The following ZFP3 variants were observed in gnomAD, a reference collection of about 807,000 sequenced individuals.
ZFP3 encodes zinc finger protein 3 homolog.
A neutral mutation model predicts 36.7 loss-of-function variants in ZFP3; 18 were observed. The observed-to-expected ratio is 0.49, with a 90% confidence interval of 0.34 to 0.73. ZFP3 has a LOEUF of 0.73. ZFP3 is among the 30% of genes least tolerant of loss of function. The pLI, the probability that ZFP3 is intolerant of heterozygous loss-of-function variation, is 0.01. For missense variants in ZFP3, 495 were observed against 599.0 expected, an observed-to-expected ratio of 0.83 and a Z score of 1.81; for synonymous variants, 218 against 199.0, an observed-to-expected ratio of 1.10 and a Z score of -0.81.
intron 1 of ZFP3, among the ~76,000 whole-genome samples, chr17:5,083,638 G>A (rs374386775): frequency 6.6e-6 from 1 of 151,834 alleles, no homozygotes; most frequent in African/African-American, 2.4e-5. Flanking sequence ...TAGATCTCTT[G>A]GTCCCACTAG....
intron 1 of ZFP3, among the ~76,000 whole-genome samples, chr17:5,083,566 T>C (rs1437501628): frequency 1.3e-5 from 2 of 151,878 alleles, no homozygotes; most frequent in African/African-American, 2.4e-5. Context: ...AAAAAGACTT[T>C]GTAACAGTGG....
Position 5,094,932 on chromosome 17 carries a change from G to A in ZFP3, c.*1919G>A, listed in dbSNP as rs767960252. On this transcript the variant is annotated 3_prime_UTR_variant, in exon 2 of 2. Transcript: ENST00000318833. ...TACCCCAATTTAAAAGATAAGAAGG[G>A]GCAGTGTTAAGTAATTGACCCATGA... 7 of 167,020 alleles carry A rather than the reference G, an allele frequency of 4.2e-5. No homozygotes were observed. The highest frequency in any genetic ancestry group is 4.4e-5 in the Non-Finnish European group (3 of 68,102). The allele number at this position is 167,020 out of a possible 1,614,324, so 10.3% of individuals were successfully genotyped here.
intron 1 of ZFP3, among the ~76,000 whole-genome samples, chr17:5,086,914 G>C (rs2072124541): frequency 6.6e-6 from 1 of 151,230 alleles, no homozygotes; most frequent in South Asian, 2.1e-4. Flanking sequence ...ACTTTTAGTA[G>C]AGACGGAGTT....
rs746881368 is a variant in ZFP3 at position 5,092,447 on chromosome 17, G to A, written c.943G>A (p.Gly315Arg). 6 of 1,614,064 alleles carry A rather than the reference G, an allele frequency of 3.7e-6. No homozygotes were observed. The highest frequency in any genetic ancestry group is 5.1e-6 in the Non-Finnish European group (6 of 1,180,016). Reference sequence around the variant, plus strand: ...AAAACCATATCTGTGTAATGAATGTGGGAAGGGCTTCGGGCAGAGTTCTGA... The same window carrying A: ...AAAACCATATCTGTGTAATGAATGTAGGAAGGGCTTCGGGCAGAGTTCTGA... ...GEKPYLCNEC[G>R]KGFGQSSELI... is the part of the protein sequence containing the mutation. Residue 315 changes from glycine (G) to arginine (R), a missense_variant, in exon 2 of 2, where the codon GGG (glycine) becomes AGG (arginine). This residue lies in a region of ZFP3 where 103 missense variants were observed against 186.8 expected (regional missense o/e 0.55). Transcript: ENST00000318833. This position sits in a 1 kb window ranked among gnomAD's most constrained non-coding sequence, Gnocchi z 5.0.
chr17:5,081,514 G>T (rs902130626), intron 1 of ZFP3, among the ~76,000 whole-genome samples: 1 of 152,172 alleles, frequency 6.6e-6, no homozygotes, highest in African/African-American at 2.4e-5. Context: ...GCCTATGAGT[G>T]ATCTGCTTAA....
intron 1 of ZFP3, among the ~76,000 whole-genome samples, chr17:5,083,825 T>A (rs2072106164): frequency 6.6e-6 from 1 of 150,926 alleles, no homozygotes; most frequent in Non-Finnish European, 1.5e-5. Flanking sequence ...TTTTCAGGGT[T>A]TTATGTGGCT....
intron 1 of ZFP3, among the ~76,000 whole-genome samples, chr17:5,085,815 G>A (rs1280116038): frequency 6.6e-6 from 1 of 152,224 alleles, no homozygotes; most frequent in Non-Finnish European, 1.5e-5. Flanking sequence ...ATTTTGTAAA[G>A]AACTAGATGA....
At chr17:5,084,466 G>T (rs1453039721) in intron 1 of ZFP3, among the ~76,000 whole-genome samples, 1 of 123,214 alleles carries the variant, frequency 8.1e-6, no homozygotes, top group African/African-American at 3.2e-5. Flanking sequence ...TAGTAGAGAC[G>T]GGGTTTCACC....
At position 5,096,007 on chromosome 17, in the gene ZFP3, CA is replaced by C. The variant is rs1466382714; in HGVS notation, c.*2995del. 2 of 167,046 alleles carry C rather than the reference CA, an allele frequency of 1.2e-5. No homozygotes were observed. The highest frequency in any genetic ancestry group is 4.8e-5 in the African/African-American group (2 of 41,438). The allele number at this position is 167,046 out of a possible 1,614,324, so 10.3% of individuals were successfully genotyped here. Reference sequence around the variant, plus strand: ...GAAATCACTTGTATCTTATTAGGTACATATACGCAAATCCTTAACCTCAATT... The same window carrying C: ...GAAATCACTTGTATCTTATTAGGTACTATACGCAAATCCTTAACCTCAATT... On this transcript the variant is annotated 3_prime_UTR_variant, in exon 2 of 2. Transcript: ENST00000318833.
chr17:5,083,724 G>A (rs1453611057), intron 1 of ZFP3, among the ~76,000 whole-genome samples: 1 of 152,060 alleles, frequency 6.6e-6, no homozygotes, highest in East Asian at 1.9e-4. Flanking sequence ...GGATTCTCAC[G>A]CAGCTAGCCT....
intron 1 of ZFP3, among the ~76,000 whole-genome samples, chr17:5,081,625 G>T (rs994055307): frequency 1.3e-5 from 2 of 149,574 alleles, no homozygotes; most frequent in African/African-American, 4.9e-5. Flanking sequence ...TTTTTGAGAC[G>T]GAGTCTCGCT....
At chr17:5,087,342 T>C (rs907343357) in intron 1 of ZFP3, among the ~76,000 whole-genome samples, 1 of 152,158 alleles carries the variant, frequency 6.6e-6, no homozygotes. Flanking sequence ...CCTCCCAAAG[T>C]GCTGGCATTA....
In ZFP3 at chr17:5,094,832, T is replaced by G. The variant is rs1475363686; in HGVS notation, c.*1819T>G. 1 of 167,088 alleles carries G rather than the reference T, an allele frequency of 6.0e-6. No individual in the cohort carries two copies. Among genetic ancestry groups the G allele is most frequent in the Non-Finnish European group, 1.5e-5 (1 of 68,122 alleles). The allele number at this position is 167,088 out of a possible 1,614,324, so 10.4% of individuals were successfully genotyped here. ...AGGTATAATTTACGTACTATAAAATTCACCTGTTTTAAGTGTTCAGTTGAA... is the reference window on the plus strand; with the variant it reads ...AGGTATAATTTACGTACTATAAAATGCACCTGTTTTAAGTGTTCAGTTGAA... On this transcript the variant is annotated 3_prime_UTR_variant, in exon 2 of 2. Coordinates refer to ENST00000318833, the MANE Select transcript of ZFP3 (RefSeq NM_153018.3).
At chr17:5,083,186 C>T (rs17765422) in intron 1 of ZFP3, among the ~76,000 whole-genome samples, 25,080 of 152,098 alleles carry the variant, frequency 0.16, 2,274 homozygotes, top group Middle Eastern at 0.23. Context: ...CTGCTCGACA[C>T]CTGTGTTGAT....
chr17:5,084,808 T>C (rs944032227), intron 1 of ZFP3, among the ~76,000 whole-genome samples: 2 of 152,182 alleles, frequency 1.3e-5, no homozygotes, highest in African/African-American at 2.4e-5. Context: ...AACGGAAAGA[T>C]AGAAAATTGT....
intron 1 of ZFP3, among the ~76,000 whole-genome samples, chr17:5,088,549 C>T (rs928507577): frequency 2.7e-4 from 40 of 150,500 alleles, no homozygotes; most frequent in African/African-American, 8.8e-4. Flanking sequence ...CTCCTGATCT[C>T]GTGATCCTCC....
chr17:5,093,776 T>C lies in ZFP3; in HGVS notation c.*763T>C, dbSNP rs759381824. On this transcript the variant is annotated 3_prime_UTR_variant, in exon 2 of 2. Coordinates refer to ENST00000318833, the MANE Select transcript of ZFP3 (RefSeq NM_153018.3). ...TATTCATCTGAAGAGGCTGCCATGA[T>C]GGAGGAACTGACAGGCAATTTACAA... is the stretch of plus-strand genomic sequence containing the variant. 6.6e-5 allele frequency: 11 copies of C among 167,048 alleles called. No homozygotes were observed. The highest frequency in any genetic ancestry group is 1.2e-4 in the Non-Finnish European group (8 of 68,130). 10.3% of individuals were successfully genotyped at this position (167,048 alleles called of 1,614,324 possible). A position where few individuals can be genotyped will look rare whatever the true frequency, so the allele number is the denominator to read the frequency against.
At position 5,093,169 on chromosome 17, in the gene ZFP3, G is replaced by T; in HGVS notation, c.*156G>T. On this transcript the variant is annotated 3_prime_UTR_variant, in exon 2 of 2. Transcript: ENST00000318833. ...TTTTAAATAGTTGGTTGAAGAAGAT[G>T]AGGCACTTTTTTTTTTTTTTTTTTA... 5.6e-6 allele frequency: 4 copies of T among 712,668 alleles called. No homozygotes were observed. The highest frequency in any genetic ancestry group is 6.0e-6 in the Non-Finnish European group (3 of 496,850). 44.1% of individuals were successfully genotyped at this position (712,668 alleles called of 1,614,324 possible). A position where few individuals can be genotyped will look rare whatever the true frequency, so the allele number is the denominator to read the frequency against.
rs181803083 is a variant in ZFP3 at position 5,085,012 on chromosome 17, C to T, written c.-9+6437C>T. On this transcript the variant is annotated intron_variant, in intron 1 of 1. Transcript: ENST00000318833. ...GCAGAATGCAAAGTAAAAGAATGAT[C>T]AGAGTGGGTAAGATTTAGTGGGGGA... Among the ~76,000 whole-genome samples the T allele has an allele frequency of 3.3e-3, 508 of 152,206 alleles. 1 individual carries two copies. Among genetic ancestry groups the T allele is most frequent in the Middle Eastern group, 6.8e-3 (2 of 294 alleles).
Sources: gnomAD v4.1 joint callset for allele counts (sites outside exome capture counted in the v4.1 genomes callset) on GRCh38, gnomAD v4.1.1 for gene constraint, gnomAD v4.1.1 regional missense constraint, Gnocchi (gnomAD v3.1) non-coding constraint, MANE v1.5 for transcripts, NCBI Gene and HGNC (gene_info 2026-07-23, HGNC 2026-07-21) for gene names.